FRMD6: variants seen among roughly 807,000 people sequenced by gnomAD.
FRMD6 encodes the protein FERM domain containing 6, also known as FERM domain-containing protein 6.
In FRMD6, 37 loss-of-function variants were observed where a neutral mutation model predicts 73.2. The observed-to-expected ratio is 0.51, with a 90% CI of 0.39 to 0.66. The LOEUF (loss-of-function observed/expected upper bound fraction) is 0.66. Ranked by LOEUF, FRMD6 falls within the 30% of genes least tolerant of loss-of-function variation. The pLI is 0.00. For synonymous variants in FRMD6, 273 were observed against 282.2 expected (o/e 0.97, Z 0.33); for missense variants, 714 against 780.5 (o/e 0.91, Z 1.02).
chr14:51,497,386 C>T (rs1262359585), intron 1 of FRMD6, among the ~76,000 whole-genome samples: 2 of 152,096 alleles, frequency 1.3e-5, no homozygotes, highest in East Asian at 3.9e-4. Flanking sequence ...GATACAACTC[C>T]TTTAAAAACT....
At chr14:51,599,873 G>A (rs1889941458) in intron 2 of FRMD6, 1 of 148,228 alleles carries the variant, frequency 6.7e-6, no homozygotes, top group South Asian at 2.2e-4. Flanking sequence ...TTTGCATCTA[G>A]TGTGGCCTCT....
At chr14:51,704,979 A>G in intron 6 of FRMD6, 44 bp downstream of exon 6, 1 of 1,548,760 alleles carries the variant, frequency 6.5e-7, no homozygotes, top group Non-Finnish European at 8.8e-7. Context: ...TCTCTCGGGC[A>G]TTTCTAGTTC....
At chr14:51,488,260 G>A (rs1882820809), upstream of FRMD6, among the ~76,000 whole-genome samples, 2 of 152,240 alleles carry the variant, frequency 1.3e-5, no homozygotes, top group African/African-American at 2.4e-5. Flanking sequence ...TTCTGAAGAA[G>A]TCTGGGGGTG....
At chr14:51,489,758 A>C (rs532449373) in intron 1 of FRMD6, among the ~76,000 whole-genome samples, 15 of 152,222 alleles carry the variant, frequency 9.9e-5, no homozygotes, top group African/African-American at 3.6e-4. Context: ...CGTGTCCTGT[A>C]CTCTAGACAC....
At chr14:51,437,905 C>T in the FRMD6 span, among the ~76,000 whole-genome samples, 185 of 152,294 alleles carry the variant, frequency 1.2e-3, 1 homozygote, top group African/African-American at 4.3e-3. Context: ...CTGCTGGAAG[C>T]TGGAAGTTGT....
chr14:51,498,749 T>C (rs1277230652), intron 1 of FRMD6, among the ~76,000 whole-genome samples: 1 of 152,068 alleles, frequency 6.6e-6, no homozygotes, highest in Non-Finnish European at 1.5e-5. Context: ...ACTCATTCCA[T>C]CCACGTGACG....
the FRMD6 span, among the ~76,000 whole-genome samples, chr14:51,429,600 G>A: frequency 1.6e-4 from 25 of 152,218 alleles, no homozygotes; most frequent in African/African-American, 5.8e-4. Context: ...AGAATGATCC[G>A]TTTCCCCCAT....
chr14:51,442,056 G>C, the FRMD6 span, among the ~76,000 whole-genome samples: 1 of 152,164 alleles, frequency 6.6e-6, no homozygotes, highest in Non-Finnish European at 1.5e-5. Context: ...AGACAGCCCA[G>C]GGGAGTGCCA....
chr14:51,486,577 A>G (rs998782964), upstream of FRMD6, among the ~76,000 whole-genome samples: 11 of 152,234 alleles, frequency 7.2e-5, no homozygotes, highest in Non-Finnish European at 2.9e-5. Context: ...AAAGACCAGA[A>G]TAGTTCCCAA....
intron 1 of FRMD6, among the ~76,000 whole-genome samples, chr14:51,512,103 T>G (rs1410170419): frequency 2.0e-5 from 3 of 152,152 alleles, no homozygotes; most frequent in Non-Finnish European, 4.4e-5. Context: ...AACTTTTGGG[T>G]CTTGCCTCTG....
chr14:51,671,016 A>G (rs1414774921), intron 1 of FRMD6, among the ~76,000 whole-genome samples: 1 of 152,190 alleles, frequency 6.6e-6, no homozygotes, highest in Non-Finnish European at 1.5e-5. Context: ...TGAAATGATC[A>G]TATAATTTCA....
the FRMD6 span, among the ~76,000 whole-genome samples, chr14:51,440,161 C>T: frequency 6.6e-6 from 1 of 152,150 alleles, no homozygotes; most frequent in Non-Finnish European, 1.5e-5. Context: ...TTCAGCAGAT[C>T]CTGAGGCCAC....
intron 2 of FRMD6, among the ~76,000 whole-genome samples, chr14:51,590,192 T>C (rs1445137140): frequency 2.0e-5 from 3 of 152,152 alleles, no homozygotes; most frequent in Admixed American, 6.5e-5. Context: ...ATTGAAAACA[T>C]TTTTTACCTA....
At chr14:51,639,680 C>T (rs2140023193) in intron 2 of FRMD6, among the ~76,000 whole-genome samples, 1 of 152,154 alleles carries the variant, frequency 6.6e-6, no homozygotes, top group East Asian at 1.9e-4. Context: ...CGTTGCATTC[C>T]TGGAAACCAC....
chr14:51,532,315 G>A (rs1196173137), intron 1 of FRMD6, among the ~76,000 whole-genome samples: 2 of 149,396 alleles, frequency 1.3e-5, no homozygotes, highest in African/African-American at 4.9e-5. Flanking sequence ...CTTGCAGTGA[G>A]CTGAGATAGC....
chr14:51,721,882 A>G, intron 11 of FRMD6, 67 bp from the exon 12 acceptor site: 1 of 1,568,802 alleles, frequency 6.4e-7, no homozygotes, highest in Non-Finnish European at 8.7e-7. Flanking sequence ...CCCTCAAAAT[A>G]TGGTTGCATA....
chr14:51,512,772 G>A (rs1046374396), intron 1 of FRMD6, among the ~76,000 whole-genome samples: 3 of 152,116 alleles, frequency 2.0e-5, no homozygotes, highest in Non-Finnish European at 4.4e-5. Context: ...CTCAACTCTG[G>A]TCATGTGATC....
intron 2 of FRMD6, among the ~76,000 whole-genome samples, chr14:51,629,303 C>T (rs542227950): frequency 1.7e-4 from 26 of 152,304 alleles, no homozygotes; most frequent in African/African-American, 6.0e-4. Flanking sequence ...TTGTTTCCAA[C>T]TGCTATTATG....
At chr14:51,615,064 G>A (rs1455311994) in intron 2 of FRMD6, among the ~76,000 whole-genome samples, 1 of 152,174 alleles carries the variant, frequency 6.6e-6, no homozygotes, top group Non-Finnish European at 1.5e-5. Context: ...GGAGTAACCT[G>A]TACTGTATTT....
Sources: allele counts gnomAD v4.1 joint callset (sites outside exome capture counted in the v4.1 genomes callset), GRCh38; gene constraint gnomAD v4.1.1; transcripts MANE v1.5; gene names NCBI Gene and HGNC (gene_info 2026-07-23, HGNC 2026-07-21).